The following AOPEP variants were observed in gnomAD, a reference collection of about 807,000 sequenced individuals.
AOPEP encodes aminopeptidase O.
In AOPEP, 77 loss-of-function variants were observed where a neutral mutation model predicts 98.1. The observed-to-expected ratio is 0.78, with a 90% CI of 0.65 to 0.95. The LOEUF is 0.95. Among genes scored for constraint, AOPEP ranks in the 40% least tolerant of loss-of-function variants. AOPEP has a pLI of 0.00. For synonymous variants in AOPEP, 346 were observed against 365.3 expected (o/e 0.95, Z 0.60); for missense variants, 1,024 against 1,024.7 (o/e 1.00, Z 0.01).
chr9:95,064,636 C>CG (rs928572992), intron 14 of AOPEP, among the ~76,000 whole-genome samples: 14 of 152,148 alleles, frequency 9.2e-5, no homozygotes, highest in African/African-American at 3.4e-4. Flanking sequence ...GGTCAGGGGG[C>CG]GGGTCCACAA....
chr9:94,950,390 C>T (rs1340166683), intron 7 of AOPEP, among the ~76,000 whole-genome samples: 1 of 152,188 alleles, frequency 6.6e-6, no homozygotes, highest in Non-Finnish European at 1.5e-5. Flanking sequence ...TTACTGTCAC[C>T]TTTTCACAGA....
the AOPEP span, chr9:95,101,715 G>C: frequency 6.2e-7 from 1 of 1,613,972 alleles, no homozygotes; most frequent in East Asian, 2.2e-5. Flanking sequence ...TTCTAGACTT[G>C]AGTTCGCAGC....
intron 9 of AOPEP, among the ~76,000 whole-genome samples, chr9:94,965,377 A>G (rs994812017): frequency 6.6e-6 from 1 of 152,256 alleles, no homozygotes; most frequent in African/African-American, 2.4e-5. Flanking sequence ...CAAGAAATAA[A>G]TATTTCATTA....
At chr9:94,786,627 C>G (rs893120717) in intron 3 of AOPEP, among the ~76,000 whole-genome samples, 4 of 152,164 alleles carry the variant, frequency 2.6e-5, no homozygotes, top group Non-Finnish European at 5.9e-5. Context: ...TTGGAATAAT[C>G]CATGAAGAGA....
At chr9:94,760,704 C>G (rs1838066047) in intron 2 of AOPEP, 124 bp downstream of exon 2, 2 of 749,328 alleles carry the variant, frequency 2.7e-6, no homozygotes, top group Admixed American at 3.4e-5. Context: ...ACCCAAGTAG[C>G]CTCAAATCCT....
chr9:94,752,491 A>C (rs1836051462), intron 1 of AOPEP, among the ~76,000 whole-genome samples: 1 of 152,186 alleles, frequency 6.6e-6, no homozygotes, highest in Non-Finnish European at 1.5e-5. Flanking sequence ...GTTACAGTGG[A>C]ATCTTGTATT....
chr9:95,000,068 T>C (rs911126590), intron 11 of AOPEP, among the ~76,000 whole-genome samples: 4 of 152,286 alleles, frequency 2.6e-5, no homozygotes, highest in Middle Eastern at 3.4e-3. Flanking sequence ...TTTTGAAAAT[T>C]ATGCTTTGTA....
At chr9:95,067,810 C>T (rs2068068631) in intron 14 of AOPEP, among the ~76,000 whole-genome samples, 1 of 152,078 alleles carries the variant, frequency 6.6e-6, no homozygotes, top group East Asian at 1.9e-4. Context: ...TTTTGTCATC[C>T]CCAAAAGAAA....
chr9:94,875,553 A>G (rs1280479384), intron 5 of AOPEP, among the ~76,000 whole-genome samples: 5 of 152,184 alleles, frequency 3.3e-5, no homozygotes, highest in Non-Finnish European at 7.3e-5. Flanking sequence ...GACAGTTTGA[A>G]TAGTTGGCCA....
chr9:94,765,123 A>G (rs1839249992), intron 2 of AOPEP, among the ~76,000 whole-genome samples: 1 of 151,792 alleles, frequency 6.6e-6, no homozygotes, highest in Non-Finnish European at 1.5e-5. Flanking sequence ...CACCACGCCC[A>G]GCTAATTTTT....
chr9:94,773,439 A>C (rs571447063), intron 3 of AOPEP, among the ~76,000 whole-genome samples: 27 of 152,090 alleles, frequency 1.8e-4, no homozygotes, highest in Non-Finnish European at 3.1e-4. Context: ...GTAGGCCATA[A>C]GTAGGTGGTC....
At chr9:95,149,841 G>A in the AOPEP span, 1 of 1,468,118 alleles carries the variant, frequency 6.8e-7, no homozygotes. Flanking sequence ...GGACACTGCT[G>A]TCGTACAGTC....
the AOPEP span, chr9:95,149,789 G>C: frequency 3.8e-6 from 4 of 1,052,768 alleles, no homozygotes; most frequent in African/African-American, 4.8e-5. Flanking sequence ...GGGATACTCA[G>C]TAATTTTTAA....
chr9:94,776,424 C>G (rs1286139742), intron 3 of AOPEP, among the ~76,000 whole-genome samples: 1 of 152,158 alleles, frequency 6.6e-6, no homozygotes, highest in Non-Finnish European at 1.5e-5. Flanking sequence ...GCCTCAGCCT[C>G]CCGAGTAGCT....
At chr9:94,854,377 T>G (rs2043929563) in intron 5 of AOPEP, among the ~76,000 whole-genome samples, 1 of 152,166 alleles carries the variant, frequency 6.6e-6, no homozygotes, top group South Asian at 2.1e-4. Flanking sequence ...CTGAACAGTG[T>G]CTCTAAAGGC....
chr9:95,127,660 CAGAGTGCATTTG>C, the AOPEP span, among the ~76,000 whole-genome samples: 1 of 152,230 alleles, frequency 6.6e-6, no homozygotes, highest in Admixed American at 6.5e-5. Flanking sequence ...AAATTCAAGT[CAGAGTGCATTTG>C]ATATGACTAG....
the AOPEP span, among the ~76,000 whole-genome samples, chr9:95,122,976 G>A: frequency 6.6e-6 from 1 of 152,162 alleles, no homozygotes; most frequent in African/African-American, 2.4e-5. Context: ...ACTTCTCCAG[G>A]GAAAGTGAGG....
chr9:94,791,062 T>C (rs1395754267), intron 3 of AOPEP, among the ~76,000 whole-genome samples: 9 of 152,000 alleles, frequency 5.9e-5, no homozygotes. Context: ...TAAAGTGATA[T>C]CCCATAGCAA....
chr9:94,965,158 G>A (rs1224089502), intron 9 of AOPEP, among the ~76,000 whole-genome samples: 4 of 152,106 alleles, frequency 2.6e-5, no homozygotes, highest in Non-Finnish European at 4.4e-5. Context: ...AATACTGCTC[G>A]TTTCCTTTGG....
Sources: allele counts gnomAD v4.1 joint callset (sites outside exome capture counted in the v4.1 genomes callset), GRCh38; gene constraint gnomAD v4.1.1; transcripts MANE v1.5; gene names NCBI Gene and HGNC (gene_info 2026-07-23, HGNC 2026-07-21).